The following ZNF641 variants were observed in gnomAD, a reference collection of about 807,000 sequenced individuals.
ZNF641 encodes the protein zinc finger protein 641.
A neutral mutation model predicts 46.2 loss-of-function variants in ZNF641; 26 were observed. The ratio of observed to expected loss-of-function variants is 0.56; its 90% CI spans 0.41 to 0.78. The LOEUF (loss-of-function observed/expected upper bound fraction) is 0.78. Ranked by LOEUF, ZNF641 falls within the 30% of genes least tolerant of loss-of-function variation. The probability of loss-of-function intolerance (pLI) is 0.00; values close to 1 mark genes in which losing one functional copy is unlikely to be tolerated. For missense variants in ZNF641, 469 were observed against 517.8 expected (o/e 0.91, Z 0.91); for synonymous variants, 163 against 187.9 (o/e 0.87, Z 1.09).
downstream of ZNF641, among the ~76,000 whole-genome samples, chr12:48,335,165 A>G (rs1952595456): frequency 6.6e-6 from 1 of 152,212 alleles, no homozygotes; most frequent in Admixed American, 6.5e-5. Context: ...TGCCACATAA[A>G]AAACCCAGAA....
rs1952788259 is a variant in ZNF641, at chr12:48,343,823, C to T, written c.521-96G>A. On this transcript the variant is annotated intron_variant, in intron 5 of 5. Coordinates refer to ENST00000547026, the MANE Select transcript of ZNF641 (RefSeq NM_001172681.2). The stretch of plus-strand genomic sequence containing the variant: ...TGAGGTTGTCTGATACCTGCCAGGG[C>T]CCAGACTTGACCCCAGAAGGGCTGA... The T allele has an allele frequency of 3.3e-6, 4 of 1,228,412 alleles. No homozygotes were observed. In the Admixed American group the frequency reaches 1.3e-4, roughly 40 times the overall value. 76.1% of individuals were successfully genotyped at this position (1,228,412 alleles called of 1,614,324 possible).
Position 48,342,112 on chromosome 12 carries a change from G to GT in ZNF641, c.*860dup, listed in dbSNP as rs904054684. 1.1e-4 allele frequency: 112 copies of GT among 985,162 alleles called. No individual in the cohort carries two copies. Among genetic ancestry groups the GT allele is most frequent in the Non-Finnish European group, 1.2e-4 (101 of 829,928 alleles). The allele number at this position is 985,162 out of a possible 1,614,324, so 61.0% of individuals were successfully genotyped here. A position where few individuals can be genotyped will look rare whatever the true frequency, so the allele number is the denominator to read the frequency against. On this transcript the variant is annotated 3_prime_UTR_variant, in exon 6 of 6. Transcript: ENST00000547026. ...AGAGGGGACTGTTCAAGGGGATAAA[G>GT]TTTTTTTTGTTTTTCTGTTTTTCTG...
rs1952693959 is a variant in ZNF641 at position 48,340,489 on chromosome 12, T to C, written c.*2484A>G. On this transcript the variant is annotated 3_prime_UTR_variant, in exon 6 of 6. Coordinates refer to ENST00000547026, the MANE Select transcript of ZNF641 (RefSeq NM_001172681.2). ...GAGAGTAGAATGTAAGCAATACCCT[T>C]GTCGTAATTAAAGACCAGACTCCAT... 1 of 984,732 alleles carries C rather than the reference T, an allele frequency of 1.0e-6. No homozygotes were observed. The highest frequency in any genetic ancestry group is 1.1e-4 in the East Asian group (1 of 8,814). The allele number at this position is 984,732 out of a possible 1,614,324, so 61.0% of individuals were successfully genotyped here. A position where few individuals can be genotyped will look rare whatever the true frequency, so the allele number is the denominator to read the frequency against.
Position 48,350,882 on chromosome 12 carries a change from C to A in ZNF641, c.-122G>T. 1 of 984,902 alleles carries A rather than the reference C, an allele frequency of 1.0e-6. No homozygotes were observed. The highest frequency in any genetic ancestry group is 4.7e-5 in the South Asian group (1 of 21,284). 61.0% of individuals were successfully genotyped at this position (984,902 alleles called of 1,614,324 possible). A position where few individuals can be genotyped will look rare whatever the true frequency, so the allele number is the denominator to read the frequency against. On this transcript the variant is annotated 5_prime_UTR_variant, in exon 1 of 6. Coordinates refer to ENST00000547026, the MANE Select transcript of ZNF641 (RefSeq NM_001172681.2). ...CTTGCGTCTGGGAGCCGGCGGCCGGCGGAGCCAGCGACAGGCGGAGACGGC... is the reference window on the plus strand; with the variant it reads ...CTTGCGTCTGGGAGCCGGCGGCCGGAGGAGCCAGCGACAGGCGGAGACGGC...
Position 48,343,434 on chromosome 12 carries a change from G to C in ZNF641, c.814C>G (p.His272Asp). Reference protein sequence around the residue: ...GSHLARHQQTHTGERPYSCLK... With the variant: ...GSHLARHQQTDTGERPYSCLK... Reference sequence around the variant, plus strand: ...CAGCTGTAGGGTCTCTCCCCAGTGTGTGTTTGTTGATGCCTGGCAAGGTGG... The same window carrying C: ...CAGCTGTAGGGTCTCTCCCCAGTGTCTGTTTGTTGATGCCTGGCAAGGTGG... The change falls in exon 6 of 6, where the codon CAC (histidine) becomes GAC (aspartate). Residue 272 changes from histidine to aspartate, a missense_variant. By Grantham distance (81) the His-to-Asp change is moderately conservative. Transcript: ENST00000547026. 6.2e-7 allele frequency: 1 copy of C among 1,614,120 alleles called. No homozygotes were observed. The highest frequency in any genetic ancestry group is 1.1e-5 in the South Asian group (1 of 91,082).
chr12:48,347,799 A>C (rs1189525334), intron 2 of ZNF641, 108 bp downstream of exon 2: 6 of 1,050,138 alleles, frequency 5.7e-6, no homozygotes, highest in Non-Finnish European at 8.3e-6. Flanking sequence ...GTCCTGGTAC[A>C]GGTTATGCTA....
intron 1 of ZNF641, chr12:48,350,425 G>C (rs1008135657): frequency 7.0e-6 from 2 of 284,676 alleles, no homozygotes; most frequent in Non-Finnish European, 1.4e-5. Flanking sequence ...CCCCTGGAAA[G>C]GGTCAGATTT....
intron 5 of ZNF641, 49 bp downstream of exon 5, chr12:48,344,550 T>C (rs759910741): frequency 2.5e-6 from 3 of 1,182,922 alleles, no homozygotes; most frequent in Non-Finnish European, 3.7e-6. Flanking sequence ...GGAATGATGA[T>C]GTCCCGAACT....
At chr12:48,346,359 G>C (rs1300798830) in intron 3 of ZNF641, among the ~76,000 whole-genome samples, 1 of 152,058 alleles carries the variant, frequency 6.6e-6, no homozygotes, top group Non-Finnish European at 1.5e-5. Context: ...GGATAACTGA[G>C]TTGTTCTCAG....
downstream of ZNF641, among the ~76,000 whole-genome samples, chr12:48,336,331 T>C (rs1267332082): frequency 6.6e-6 from 1 of 152,126 alleles, no homozygotes. Context: ...CCTTCCCTTT[T>C]TGGTGATGGA....
At chr12:48,336,023 T>C (rs1357520990), downstream of ZNF641, among the ~76,000 whole-genome samples, 1 of 152,264 alleles carries the variant, frequency 6.6e-6, no homozygotes, top group Non-Finnish European at 1.5e-5. Context: ...ATTCAATGGT[T>C]GTTTGAAAAA....
At chr12:48,348,557 CA>C (rs1358759819) in intron 1 of ZNF641, among the ~76,000 whole-genome samples, 1 of 152,182 alleles carries the variant, frequency 6.6e-6, no homozygotes, top group Non-Finnish European at 1.5e-5. Context: ...TTTTCTGCCA[CA>C]AATCACAGTC....
At chr12:48,346,184 A>G (rs181336537) in intron 3 of ZNF641, among the ~76,000 whole-genome samples, 2 of 152,206 alleles carry the variant, frequency 1.3e-5, no homozygotes, top group Admixed American at 1.3e-4. Flanking sequence ...GATTACAGGC[A>G]TGAGCCACCG....
In ZNF641 at chr12:48,343,716, C is replaced by T; in HGVS notation, c.532G>A (p.Glu178Lys). 2 of 1,489,742 alleles carry T rather than the reference C, an allele frequency of 1.3e-6. No individual in the cohort carries two copies. Among genetic ancestry groups the T allele is most frequent in the Non-Finnish European group, 1.8e-6 (2 of 1,118,098 alleles). 92.3% of individuals were successfully genotyped at this position (1,489,742 alleles called of 1,614,324 possible). Residue 178 changes from glutamate to lysine, a missense_variant, in exon 6 of 6, where the codon GAA becomes AAA. Physicochemically the swap from Glu to Lys is moderately conservative, Grantham distance 56. This residue lies in a region of ZNF641 where 346 missense variants were observed against 354.0 expected (regional missense o/e 0.98). Transcript: ENST00000547026. ...LRVTYTGDGS[E>K]HEGDTPELEA... ...AGTTCAGGGGTATCCCCCTCATGTT[C>T]ACTTCCATCTCCTGCGGAGAAGGGG...
rs149076122 is a variant in ZNF641 at position 48,340,614 on chromosome 12, G to C, written c.*2359C>G. 4 of 985,352 alleles carry C rather than the reference G, an allele frequency of 4.1e-6. No homozygotes were observed. Among genetic ancestry groups the C allele is most frequent in the Non-Finnish European group, 3.6e-6 (3 of 829,924 alleles). The allele number at this position is 985,352 out of a possible 1,614,324, so 61.0% of individuals were successfully genotyped here. A position where few individuals can be genotyped will look rare whatever the true frequency, so the allele number is the denominator to read the frequency against. ...AAATATATAATGACCATTTTAGATC[G>C]GGGAACTCCCTTTCTTTGAAGGCAG... is the stretch of plus-strand genomic sequence containing the variant. On this transcript the variant is annotated 3_prime_UTR_variant, in exon 6 of 6. Coordinates refer to ENST00000547026, the MANE Select transcript of ZNF641 (RefSeq NM_001172681.2).
rs866488082 is a variant in ZNF641 at position 48,342,527 on chromosome 12, T to C, written c.*446A>G. 4.1e-6 allele frequency: 3 copies of C among 730,070 alleles called. No homozygotes were observed. Among genetic ancestry groups the C allele is most frequent in the African/African-American group, 3.8e-5 (2 of 52,272 alleles). 45.2% of individuals were successfully genotyped at this position (730,070 alleles called of 1,614,324 possible). Reference sequence around the variant, plus strand: ...AACACTGCCTTAATAGAACCTTCAGTTGGGTCTACTGCAGAAATTTTCAGA... The same window carrying C: ...AACACTGCCTTAATAGAACCTTCAGCTGGGTCTACTGCAGAAATTTTCAGA... On this transcript the variant is annotated 3_prime_UTR_variant, in exon 6 of 6. Coordinates refer to ENST00000547026, the MANE Select transcript of ZNF641 (RefSeq NM_001172681.2).
At position 48,345,404 on chromosome 12, in the gene ZNF641, T is replaced by C. The variant is rs1370464205; in HGVS notation, c.347A>G (p.Gln116Arg). 6.2e-7 allele frequency: 1 copy of C among 1,614,222 alleles called. No individual in the cohort carries two copies. Among genetic ancestry groups the C allele is most frequent in the Non-Finnish European group, 8.5e-7 (1 of 1,180,028 alleles). Residue 116 changes from glutamine to arginine, a missense_variant, in exon 4 of 6, where the codon CAG becomes CGG. By Grantham distance (43) the Gln-to-Arg change is conservative. Transcript: ENST00000547026. ...QEEWRSLDPSQTDFYGEYVMQ... is the reference protein window; with the variant it reads ...QEEWRSLDPSRTDFYGEYVMQ... Reference sequence around the variant, plus strand: ...GACATATTCTCCATAAAAGTCTGTCTGAGAGGGGTCCAGGCTCCGCCACTC... The same window carrying C: ...GACATATTCTCCATAAAAGTCTGTCCGAGAGGGGTCCAGGCTCCGCCACTC...
chr12:48,341,313 C>T lies in ZNF641; in HGVS notation c.*1660G>A, dbSNP rs2136171306. On this transcript the variant is annotated 3_prime_UTR_variant, in exon 6 of 6. Coordinates refer to ENST00000547026, the MANE Select transcript of ZNF641 (RefSeq NM_001172681.2). ...GAAAATATCCCACTTTGCTCCTCTTCCTCCCTAACCCCGAACTGCTCTTAC... is the reference window on the plus strand; with the variant it reads ...GAAAATATCCCACTTTGCTCCTCTTTCTCCCTAACCCCGAACTGCTCTTAC... 1.0e-6 allele frequency: 1 copy of T among 985,428 alleles called. No homozygotes were observed. Among genetic ancestry groups the T allele is most frequent in the Non-Finnish European group, 1.2e-6 (1 of 829,920 alleles). 61.0% of individuals were successfully genotyped at this position (985,428 alleles called of 1,614,324 possible). A position where few individuals can be genotyped will look rare whatever the true frequency, so the allele number is the denominator to read the frequency against.
upstream of ZNF641, chr12:48,351,186 C>G (rs1483108488): frequency 6.6e-6 from 1 of 152,304 alleles, no homozygotes; most frequent in Non-Finnish European, 1.5e-5. Context: ...TGGCCACTTG[C>G]CCGCACTCTT....
Sources: gnomAD v4.1 joint callset for allele counts (sites outside exome capture counted in the v4.1 genomes callset) on GRCh38, gnomAD v4.1.1 for gene constraint, gnomAD v4.1.1 regional missense constraint, MANE v1.5 for transcripts, NCBI Gene and HGNC (gene_info 2026-07-23, HGNC 2026-07-21) for gene names.